The following PAK5 variants were observed in gnomAD, a reference collection of about 807,000 sequenced individuals.
PAK5 encodes p21 (RAC1) activated kinase 5, also known as serine/threonine-protein kinase PAK 5.
Under a neutral mutation model 65.9 loss-of-function variants are expected in PAK5, and 16 were observed. The ratio of observed to expected loss-of-function variants is 0.24; its 90% confidence interval spans 0.16 to 0.37. The LOEUF (loss-of-function observed/expected upper bound fraction) is 0.37. Ranked by LOEUF, PAK5 falls within the 10% of genes least tolerant of loss-of-function variation. The probability of loss-of-function intolerance (pLI) is 1.00; values close to 1 mark genes in which losing one functional copy is unlikely to be tolerated. For synonymous variants in PAK5, 371 were observed against 354.9 expected (o/e 1.05, Z -0.51); for missense variants, 785 against 903.9 (o/e 0.87, Z 1.69).
At chr20:9,722,873 A>G (rs1348471298) in intron 1 of PAK5, among the ~76,000 whole-genome samples, 1 of 151,680 alleles carries the variant, frequency 6.6e-6, no homozygotes, top group Non-Finnish European at 1.5e-5. Context: ...AGTAGCTGGG[A>G]CTACAGGCGT....
At chr20:9,547,763 A>G (rs1025190529) in intron 7 of PAK5, among the ~76,000 whole-genome samples, 11 of 152,170 alleles carry the variant, frequency 7.2e-5, no homozygotes, top group Non-Finnish European at 1.6e-4. Flanking sequence ...CATCAATAGC[A>G]GCAGCAGCAG....
chr20:9,829,227 C>A (rs1031832162), intron 1 of PAK5, among the ~76,000 whole-genome samples: 3 of 152,236 alleles, frequency 2.0e-5, no homozygotes, highest in Non-Finnish European at 2.9e-5. Context: ...TTTCCCTTTT[C>A]ATGAGGAAAT....
chr20:9,705,939 G>T (rs1462510897), intron 2 of PAK5, among the ~76,000 whole-genome samples: 1 of 151,686 alleles, frequency 6.6e-6, no homozygotes, highest in Admixed American at 6.6e-5. Flanking sequence ...AAAATCTGCT[G>T]CACCTGGTGA....
intron 1 of PAK5, among the ~76,000 whole-genome samples, chr20:9,836,934 A>G (rs1979195775): frequency 6.6e-6 from 1 of 152,238 alleles, no homozygotes; most frequent in South Asian, 2.1e-4. Context: ...AGCTAAACAT[A>G]GAAGAGTCAG....
At chr20:9,820,666 G>C (rs2049409149) in intron 1 of PAK5, among the ~76,000 whole-genome samples, 1 of 152,180 alleles carries the variant, frequency 6.6e-6, no homozygotes. Context: ...GACAAAGAAG[G>C]AGAACAAAAC....
intron 2 of PAK5, among the ~76,000 whole-genome samples, chr20:9,657,845 A>C (rs1252495693): frequency 6.6e-6 from 1 of 152,208 alleles, no homozygotes; most frequent in African/African-American, 2.4e-5. Context: ...TTGTTCAAGA[A>C]ACAAAAGCAG....
At chr20:9,750,248 TTAAA>T (rs2048559785) in intron 1 of PAK5, among the ~76,000 whole-genome samples, 1 of 152,266 alleles carries the variant, frequency 6.6e-6, no homozygotes, top group South Asian at 2.1e-4. Context: ...AGAAATATTG[TTAAA>T]TAGTCTAATT....
intron 1 of PAK5, among the ~76,000 whole-genome samples, chr20:9,827,784 CAG>C (rs1422632743): frequency 1.3e-5 from 2 of 151,566 alleles, no homozygotes; most frequent in African/African-American, 4.8e-5. Flanking sequence ...GCAGTGGAGA[CAG>C]GGAAGGGGGC....
chr20:9,760,872 C>T (rs2048692187), intron 1 of PAK5, among the ~76,000 whole-genome samples: 2 of 151,922 alleles, frequency 1.3e-5, no homozygotes, highest in African/African-American at 4.8e-5. Context: ...CAAGGTTTCA[C>T]TATGTTGGCC....
At chr20:9,635,236 A>C (rs2123240369) in intron 3 of PAK5, among the ~76,000 whole-genome samples, 1 of 152,334 alleles carries the variant, frequency 6.6e-6, no homozygotes, top group East Asian at 1.9e-4. Context: ...TTTGACTAAC[A>C]CACCTCTAAC....
At chr20:9,720,532 A>G (rs909338097) in intron 1 of PAK5, among the ~76,000 whole-genome samples, 1 of 152,190 alleles carries the variant, frequency 6.6e-6, no homozygotes, top group African/African-American at 2.4e-5. Context: ...TTTAAAAATA[A>G]TCCTAGGTAT....
At chr20:9,610,076 C>T (rs2046530286) in intron 3 of PAK5, among the ~76,000 whole-genome samples, 1 of 152,106 alleles carries the variant, frequency 6.6e-6, no homozygotes, top group Admixed American at 6.5e-5. Flanking sequence ...AGCCTGCCCC[C>T]TGGTGTGAAG....
intron 1 of PAK5, among the ~76,000 whole-genome samples, chr20:9,835,540 G>A (rs1979080982): frequency 6.6e-6 from 1 of 152,096 alleles, no homozygotes; most frequent in Admixed American, 6.6e-5. Context: ...ATTTTATGTA[G>A]GGAACTGACA....
intron 3 of PAK5, among the ~76,000 whole-genome samples, chr20:9,608,979 C>T (rs775415366): frequency 6.6e-6 from 1 of 152,184 alleles, no homozygotes; most frequent in Non-Finnish European, 1.5e-5. Context: ...AACGTATCTG[C>T]AGATTTCGTG....
chr20:9,740,159 C>A (rs1398694372), intron 1 of PAK5, among the ~76,000 whole-genome samples: 1 of 152,146 alleles, frequency 6.6e-6, no homozygotes, highest in African/African-American at 2.4e-5. Flanking sequence ...TAACAGCAAA[C>A]ACCTTAATTA....
chr20:9,827,628 G>T (rs6056912), intron 1 of PAK5, among the ~76,000 whole-genome samples: 45,676 of 150,618 alleles, frequency 0.3, 7,457 homozygotes, highest in Admixed American at 0.38. Context: ...GGGGGAGGGG[G>T]AGGGTGGGGG....
chr20:9,688,653 G>A (rs1254617762), intron 2 of PAK5, among the ~76,000 whole-genome samples: 1 of 151,950 alleles, frequency 6.6e-6, no homozygotes, highest in East Asian at 2.0e-4. Context: ...AGGACACCAA[G>A]AGGTTGAAGC....
rs567025220 is a variant in PAK5 at position 9,552,591 on chromosome 20, T to C, written c.1743+5017A>G. 4.6e-5 allele frequency among the ~76,000 whole-genome samples: 7 copies of C among 152,360 alleles called. No individual in the cohort carries two copies. The South Asian group carries it at 1.5e-3, about 32-fold the overall frequency. On this transcript the variant is annotated intron_variant, in intron 7 of 9. Transcript: ENST00000353224. ...ATATTACTTATGCCATAGATAATAA[T>C]TGAATGATTTACTTTTAGTTGATAA...
chr20:9,675,514 T>A (rs1232971398), intron 2 of PAK5, among the ~76,000 whole-genome samples: 11 of 152,078 alleles, frequency 7.2e-5, no homozygotes, highest in Non-Finnish European at 1.0e-4. Context: ...TTATTATTTA[T>A]TTATTTATTT....
Sources: allele counts gnomAD v4.1 joint callset (sites outside exome capture counted in the v4.1 genomes callset), GRCh38; gene constraint gnomAD v4.1.1; transcripts MANE v1.5; gene names NCBI Gene and HGNC (gene_info 2026-07-23, HGNC 2026-07-21).